Variants in GALNT13 observed in about 807,000 individuals in gnomAD.
GALNT13 encodes polypeptide N-acetylgalactosaminyltransferase 13.
In GALNT13, 28 loss-of-function variants were observed where a neutral mutation model predicts 64.2. The observed-to-expected ratio is 0.44, with a 90% CI of 0.32 to 0.60. The LOEUF (loss-of-function observed/expected upper bound fraction) is 0.60, where lower values mean the gene tolerates loss of function less well. Among genes scored for constraint, GALNT13 ranks in the 20% least tolerant of loss-of-function variants. GALNT13 has a pLI of 0.05. For synonymous variants in GALNT13, 214 were observed against 224.6 expected (o/e 0.95, Z 0.42); for missense variants, 577 against 669.8 (o/e 0.86, Z 1.53).
intron 12 of GALNT13, chr2:154,446,420 A>G: frequency 1.4e-6 from 1 of 718,464 alleles, no homozygotes; most frequent in South Asian, 3.7e-5. Flanking sequence ...ATCTAAAAAA[A>G]TGTGGCTCAC....
chr2:153,140,676 A>T, the GALNT13 span, among the ~76,000 whole-genome samples: 1 of 152,040 alleles, frequency 6.6e-6, no homozygotes, highest in Non-Finnish European at 1.5e-5. Flanking sequence ...TGTAAAACAT[A>T]TGTTAACCAC....
the GALNT13 span, among the ~76,000 whole-genome samples, chr2:153,360,666 C>T: frequency 3.9e-5 from 6 of 152,194 alleles, no homozygotes; most frequent in East Asian, 1.2e-3. Context: ...TGGGGCCTCC[C>T]TGTAGTAACT....
the GALNT13 span, among the ~76,000 whole-genome samples, chr2:153,136,848 C>CCACACACA: frequency 2.4e-4 from 36 of 148,442 alleles, no homozygotes; most frequent in South Asian, 6.6e-4. Flanking sequence ...GGTGTTTGCA[C>CCACACACA]CACACACACA....
chr2:153,388,513 T>A, the GALNT13 span, among the ~76,000 whole-genome samples: 3 of 152,106 alleles, frequency 2.0e-5, no homozygotes, highest in Admixed American at 2.0e-4. Flanking sequence ...GTCAGGATTT[T>A]AGGTCTATGG....
intron 3 of GALNT13, among the ~76,000 whole-genome samples, chr2:154,109,842 T>C (rs998291307): frequency 1.3e-5 from 2 of 152,146 alleles, no homozygotes; most frequent in African/African-American, 4.8e-5. Flanking sequence ...GATGATACTT[T>C]TAGTAAGTTG....
At chr2:153,613,861 C>CGTGGG in the GALNT13 span, among the ~76,000 whole-genome samples, 1 of 151,684 alleles carries the variant, frequency 6.6e-6, no homozygotes, top group Non-Finnish European at 1.5e-5. Context: ...TGGGGCCTGT[C>CGTGGG]GTGGGGTGGG....
At chr2:154,344,086 A>G (rs939923917) in intron 9 of GALNT13, among the ~76,000 whole-genome samples, 3 of 152,000 alleles carry the variant, frequency 2.0e-5, no homozygotes, top group African/African-American at 7.2e-5. Flanking sequence ...TCTAAGAAGG[A>G]TTTTATGTAT....
chr2:153,390,151 G>A, the GALNT13 span, among the ~76,000 whole-genome samples: 2 of 152,128 alleles, frequency 1.3e-5, no homozygotes, highest in Admixed American at 6.5e-5. Context: ...ATGAGTTCAT[G>A]TCTTTTGCAG....
At chr2:154,222,364 A>G (rs912809382) in intron 4 of GALNT13, among the ~76,000 whole-genome samples, 2 of 152,274 alleles carry the variant, frequency 1.3e-5, no homozygotes, top group East Asian at 3.9e-4. Context: ...TTTTATTTTC[A>G]TTGAAACTAT....
chr2:153,486,701 A>T, the GALNT13 span, among the ~76,000 whole-genome samples: 1 of 152,032 alleles, frequency 6.6e-6, no homozygotes. Context: ...ACCACTGAGC[A>T]TGCAGTTTTC....
At chr2:154,366,659 G>A (rs1485574839) in intron 9 of GALNT13, among the ~76,000 whole-genome samples, 1 of 152,194 alleles carries the variant, frequency 6.6e-6, no homozygotes, top group Non-Finnish European at 1.5e-5. Flanking sequence ...TCTCAGATGA[G>A]AACTAAGGTT....
intron 3 of GALNT13, among the ~76,000 whole-genome samples, chr2:154,086,889 A>G (rs1349193739): frequency 1.3e-5 from 2 of 152,158 alleles, no homozygotes; most frequent in Non-Finnish European, 2.9e-5. Flanking sequence ...TCTAGATAGA[A>G]CAAACAAATA....
At chr2:154,145,088 C>CTA (rs1231342170) in intron 4 of GALNT13, among the ~76,000 whole-genome samples, 546 of 121,084 alleles carry the variant, frequency 4.5e-3, no homozygotes, top group Non-Finnish European at 6.3e-3. Flanking sequence ...ATCTATCTAT[C>CTA]TATCTATCTA....
chr2:153,624,105 T>C, the GALNT13 span, among the ~76,000 whole-genome samples: 3 of 152,070 alleles, frequency 2.0e-5, no homozygotes, highest in African/African-American at 7.2e-5. Flanking sequence ...AAATGAGATA[T>C]CTAATTTATT....
intron 3 of GALNT13, among the ~76,000 whole-genome samples, chr2:154,108,267 A>G (rs1410896545): frequency 6.6e-6 from 1 of 151,534 alleles, no homozygotes; most frequent in African/African-American, 2.4e-5. Flanking sequence ...ACCCTGCAAC[A>G]CTTGTTATCT....
the GALNT13 span, among the ~76,000 whole-genome samples, chr2:153,294,528 T>C: frequency 2.8e-4 from 42 of 152,342 alleles, no homozygotes; most frequent in Middle Eastern, 3.4e-3. Context: ...TAGCTCATTA[T>C]TTCCAAGGGG....
chr2:153,209,905 T>C, the GALNT13 span, among the ~76,000 whole-genome samples: 1 of 152,182 alleles, frequency 6.6e-6, no homozygotes, highest in African/African-American at 2.4e-5. Context: ...TTTATCCCAA[T>C]ATTTCATGTT....
At chr2:153,513,222 G>A in the GALNT13 span, among the ~76,000 whole-genome samples, 4 of 151,990 alleles carry the variant, frequency 2.6e-5, no homozygotes, top group Non-Finnish European at 2.9e-5. Context: ...CTTATTCATC[G>A]TCCTTTTCTC....
At chr2:153,997,091 G>A (rs1312656551) in intron 3 of GALNT13, among the ~76,000 whole-genome samples, 2 of 152,034 alleles carry the variant, frequency 1.3e-5, no homozygotes, top group Non-Finnish European at 2.9e-5. Context: ...GGTATATTTT[G>A]AAATCAGGTA....
Sources: allele counts gnomAD v4.1 joint callset (sites outside exome capture counted in the v4.1 genomes callset), GRCh38; gene constraint gnomAD v4.1.1; transcripts MANE v1.5; gene names NCBI Gene and HGNC (gene_info 2026-07-23, HGNC 2026-07-21).